The following IFNAR1 variants were observed in gnomAD, a reference collection of about 807,000 sequenced individuals.
IFNAR1 encodes the protein interferon alpha/beta receptor 1.
In IFNAR1, 47 loss-of-function variants were observed where a neutral mutation model predicts 62.1. The ratio of observed to expected loss-of-function variants is 0.76; its 90% CI spans 0.60 to 0.97. The LOEUF (loss-of-function observed/expected upper bound fraction) is 0.97. IFNAR1 is among the 50% of genes least tolerant of loss of function. IFNAR1 has a pLI of 0.00. For missense variants in IFNAR1, 638 were observed against 654.5 expected (o/e 0.97, Z 0.27); for synonymous variants, 219 against 226.9 (o/e 0.97, Z 0.31).
chr21:33,325,978 T>C (rs1568924105), intron 1 of IFNAR1, among the ~76,000 whole-genome samples: 1 of 152,278 alleles, frequency 6.6e-6, no homozygotes, highest in Admixed American at 6.5e-5. Context: ...GAGAGGTCCA[T>C]TCACATTGTT....
In IFNAR1 at chr21:33,335,564, C is replaced by T. The variant is rs764918822; in HGVS notation, c.117C>T (p.Asp39=). 1.9e-6 allele frequency: 3 copies of T among 1,605,634 alleles called. No individual in the cohort carries two copies. The highest frequency in any genetic ancestry group is 2.6e-6 in the Non-Finnish European group (3 of 1,175,056). Residue 39 remains aspartate, a synonymous_variant, in exon 2 of 11, where the codon GAC becomes GAT. Transcript: ENST00000270139. The part of the protein sequence containing the change: ...NLKSPQKVEV[D]IIDDNFILRW... ...AATCTCCTCAAAAAGTAGAGGTCGA[C>T]ATCATAGATGACAACTTTATCCTGA...
intron 5 of IFNAR1, among the ~76,000 whole-genome samples, chr21:33,344,772 A>ACTTAT (rs1318102423): frequency 6.8e-5 from 10 of 147,688 alleles, no homozygotes; most frequent in Non-Finnish European, 1.5e-4. Flanking sequence ...TTACTTATTT[A>ACTTAT]TTTATTTATT....
At chr21:33,347,385 C>T (rs769834408) in intron 6 of IFNAR1, among the ~76,000 whole-genome samples, 2 of 152,176 alleles carry the variant, frequency 1.3e-5, no homozygotes, top group Non-Finnish European at 1.5e-5. Flanking sequence ...CCGCCTCAGC[C>T]TCCCAAAGTT....
rs74695849 is a variant in IFNAR1, at chr21:33,353,715, A to G, written c.1372A>G (p.Lys458Glu). ...FALPFVIYAA[K>E]VFLRCINYVF... ...TCTCCCGTTTGTCATTTATGCTGCG[A>G]AAGTCTTCTTGAGATGCATCAATTA... is the stretch of plus-strand genomic sequence containing the variant. Residue 458 changes from lysine to glutamate, a missense_variant, in exon 10 of 11, where the codon AAA (lysine) becomes GAA (glutamate). Lys to Glu is a moderately conservative substitution (Grantham distance 56, BLOSUM62 1). Coordinates refer to ENST00000270139, the MANE Select transcript of IFNAR1 (RefSeq NM_000629.3). 3.8e-6 allele frequency: 6 copies of G among 1,593,590 alleles called. No individual in the cohort carries two copies. The highest frequency in any genetic ancestry group is 1.8e-5 in the Admixed American group (1 of 54,848).
At position 33,338,396 on chromosome 21, in the gene IFNAR1, G is replaced by A. The variant is rs1193201965; in HGVS notation, c.201-2603G>A. Among the ~76,000 whole-genome samples, 5 of 54,856 alleles carry A rather than the reference G, an allele frequency of 9.1e-5. No homozygotes were observed. The African/African-American group carries it at 1.2e-3, about 13-fold the overall frequency. The allele number at this position is 54,856 out of a possible 152,430, so 36.0% of individuals were successfully genotyped here. A position where few individuals can be genotyped will look rare whatever the true frequency, so the allele number is the denominator to read the frequency against. ...AAAAATACAAAAACTTCAGCCGGAT[G>A]TGGTGGTGCGTGCTGTAATCCCACC... On this transcript the variant is annotated intron_variant, in intron 2 of 10. Coordinates refer to ENST00000270139, the MANE Select transcript of IFNAR1 (RefSeq NM_000629.3).
intron 1 of IFNAR1, among the ~76,000 whole-genome samples, chr21:33,334,116 C>G (rs921652023): frequency 5.3e-5 from 8 of 152,068 alleles, no homozygotes; most frequent in African/African-American, 1.7e-4. Flanking sequence ...GGGACCAATT[C>G]AGCAAGAGGA....
At chr21:33,339,836 G>A (rs1396584285) in intron 2 of IFNAR1, among the ~76,000 whole-genome samples, 1 of 150,108 alleles carries the variant, frequency 6.7e-6, no homozygotes, top group African/African-American at 2.5e-5. Context: ...GCTGAGGCAG[G>A]AGAATTGCTT....
intron 1 of IFNAR1, among the ~76,000 whole-genome samples, chr21:33,326,447 C>T (rs1291742897): frequency 6.6e-6 from 1 of 152,138 alleles, no homozygotes; most frequent in Non-Finnish European, 1.5e-5. Flanking sequence ...TCAAACAATC[C>T]ACTTCAGCCT....
chr21:33,345,605 A>C (rs1031964099), intron 6 of IFNAR1, among the ~76,000 whole-genome samples: 3 of 152,148 alleles, frequency 2.0e-5, no homozygotes, highest in African/African-American at 2.4e-5. Context: ...ATGGATTCTA[A>C]TATCTGGGGT....
At chr21:33,334,520 T>A in intron 1 of IFNAR1, 2 of 410,304 alleles carry the variant, frequency 4.9e-6, no homozygotes, top group South Asian at 4.4e-5. Context: ...TGTTCTTAGA[T>A]AGACAAAAGC....
chr21:33,331,711 T>C (rs568303121), intron 1 of IFNAR1, among the ~76,000 whole-genome samples: 4 of 152,296 alleles, frequency 2.6e-5, no homozygotes, highest in Admixed American at 2.6e-4. Flanking sequence ...TTCCAAGATT[T>C]AGAGTCATGA....
Position 33,335,138 on chromosome 21 carries a change from C to G in IFNAR1, c.77-386C>G. 3 of 647,376 alleles carry G rather than the reference C, an allele frequency of 4.6e-6. No homozygotes were observed. The South Asian group carries it at 4.8e-5, about 10-fold the overall frequency. 40.1% of individuals were successfully genotyped at this position (647,376 alleles called of 1,614,324 possible). A position where few individuals can be genotyped will look rare whatever the true frequency, so the allele number is the denominator to read the frequency against. On this transcript the variant is annotated intron_variant, in intron 1 of 10. Transcript: ENST00000270139. ...AACACCATTGTAAGTCAAGAAGCATCTCTATCTATCTATGAACATACAATG... is the reference window on the plus strand; with the variant it reads ...AACACCATTGTAAGTCAAGAAGCATGTCTATCTATCTATGAACATACAATG...
chr21:33,336,739 T>C (rs1172183169), intron 2 of IFNAR1, among the ~76,000 whole-genome samples: 1 of 147,422 alleles, frequency 6.8e-6, no homozygotes, highest in Non-Finnish European at 1.5e-5. Flanking sequence ...ATTTTAATTT[T>C]AGGTACACTT....
rs1423005920 is a variant in IFNAR1 at position 33,347,793 on chromosome 21, T to C, written c.789-1298T>C. 4.6e-5 allele frequency among the ~76,000 whole-genome samples: 7 copies of C among 152,148 alleles called. No individual in the cohort carries two copies. In the East Asian group the frequency reaches 1.2e-3, roughly 25 times the overall value. ...TGTGTACACCAGGGGGCAGGAATCT[T>C]GGGGGCCATCTCAGAATTTTGCCTT... On this transcript the variant is annotated intron_variant, in intron 6 of 10. Transcript: ENST00000270139.
intron 1 of IFNAR1, among the ~76,000 whole-genome samples, chr21:33,327,196 C>T (rs998412485): frequency 3.9e-5 from 6 of 152,044 alleles, no homozygotes; most frequent in African/African-American, 1.4e-4. Context: ...TTGCATTAAA[C>T]TCATGTTTGG....
At chr21:33,325,256 C>G (rs1179346128) in intron 1 of IFNAR1, 125 bp downstream of exon 1, 9 of 841,514 alleles carry the variant, frequency 1.1e-5, no homozygotes, top group African/African-American at 1.7e-5. Context: ...TCCACTTTGC[C>G]GCGCCAAAGA....
intron 3 of IFNAR1, among the ~76,000 whole-genome samples, chr21:33,342,497 C>T (rs1273634141): frequency 2.6e-5 from 4 of 152,058 alleles, no homozygotes; most frequent in African/African-American, 9.7e-5. Context: ...CTATACTAAT[C>T]TTCCAATTCC....
chr21:33,353,812 A>G (rs1438109051), intron 10 of IFNAR1, 29 bp downstream of exon 10: 2 of 1,444,596 alleles, frequency 1.4e-6, no homozygotes, highest in East Asian at 4.9e-5. Flanking sequence ...TTTTTTGTCA[A>G]CAGCTAGGTA....
In IFNAR1 at chr21:33,349,190, C is replaced by T. The variant is rs747050128; in HGVS notation, c.888C>T (p.Asn296=). 3.7e-6 allele frequency: 6 copies of T among 1,612,910 alleles called. No homozygotes were observed. The South Asian group carries it at 4.4e-5, about 12-fold the overall frequency. The part of the protein sequence containing the change: ...VKTTQCVFPQ[N]VFQKGIYLLR... ...CTACCCAGTGTGTCTTTCCTCAAAA[C>T]GTTTTCCAAAAAGGAATTTACCTTC... The change falls in exon 7 of 11, where the codon AAC becomes AAT. Residue 296 remains asparagine, a synonymous_variant. Transcript: ENST00000270139.
Sources: gnomAD v4.1 joint callset for allele counts (sites outside exome capture counted in the v4.1 genomes callset) on GRCh38, gnomAD v4.1.1 for gene constraint, MANE v1.5 for transcripts, NCBI Gene and HGNC (gene_info 2026-07-23, HGNC 2026-07-21) for gene names.